VWC2L: variants seen among roughly 807,000 people sequenced by gnomAD.
The protein encoded by VWC2L is von Willebrand factor C domain-containing protein 2-like.
In VWC2L, 10 loss-of-function variants were observed where a neutral mutation model predicts 21.6. The observed-to-expected ratio is 0.46, with a 90% CI of 0.29 to 0.78. The LOEUF (loss-of-function observed/expected upper bound fraction) is 0.78, where lower values mean the gene tolerates loss of function less well. VWC2L is among the 30% of genes least tolerant of loss of function. The pLI is 0.10. For synonymous variants in VWC2L, 96 were observed against 94.3 expected, an observed-to-expected ratio of 1.02 and a Z score of -0.10; for missense variants, 209 against 277.1, an observed-to-expected ratio of 0.75 and a Z score of 1.74.
intron 3 of VWC2L, among the ~76,000 whole-genome samples, chr2:214,437,525 G>GA (rs1195954658): frequency 6.6e-6 from 1 of 151,988 alleles, no homozygotes; most frequent in Non-Finnish European, 1.5e-5. Context: ...TACCAAAAAG[G>GA]AAAAAATAAT....
intron 3 of VWC2L, among the ~76,000 whole-genome samples, chr2:214,460,908 G>T (rs1047554139): frequency 6.6e-6 from 1 of 152,062 alleles, no homozygotes; most frequent in South Asian, 2.1e-4. Flanking sequence ...ATTTGCTTTC[G>T]TAGAGGAAGC....
rs73072757 is a variant in VWC2L, at chr2:214,429,444, A to G, written c.391-7185A>G. On this transcript the variant is annotated intron_variant, in intron 2 of 3. Transcript: ENST00000312504. Reference sequence around the variant, plus strand: ...ATATTAAATCCTCAAGTTTTTGTCTATATGTCTGGGCCCTCCTTTGATTAT... The same window carrying G: ...ATATTAAATCCTCAAGTTTTTGTCTGTATGTCTGGGCCCTCCTTTGATTAT... 8.8e-3 allele frequency among the ~76,000 whole-genome samples: 1,333 copies of G among 152,108 alleles called. 23 individuals carry two copies. The highest frequency in any genetic ancestry group is 0.031 in the African/African-American group (1,270 of 41,490).
rs1553602423 is a variant in VWC2L, at chr2:214,567,595, C to CACAG, written c.521-8076_521-8075insCAGA. Among the ~76,000 whole-genome samples the CACAG allele has an allele frequency of 3.8e-4, 52 of 135,378 alleles. 1 individual carries two copies. Among genetic ancestry groups the CACAG allele is most frequent in the Middle Eastern group, 3.8e-3 (1 of 266 alleles). 88.8% of individuals were successfully genotyped at this position (135,378 alleles called of 152,430 possible). ...ACACACACACACACACACACACACACAGAGAGAGAGAGAGAGAGAGATAAT... is the reference window on the plus strand; with the variant it reads ...ACACACACACACACACACACACACACACAGAGAGAGAGAGAGAGAGAGAGATAAT... On this transcript the variant is annotated intron_variant, in intron 3 of 3. Coordinates refer to ENST00000312504, the MANE Select transcript of VWC2L (RefSeq NM_001080500.4).
At chr2:214,445,512 A>G (rs1479031080) in intron 3 of VWC2L, among the ~76,000 whole-genome samples, 2 of 151,882 alleles carry the variant, frequency 1.3e-5, no homozygotes, top group Admixed American at 6.6e-5. Flanking sequence ...ATATGTGTGT[A>G]TGTATGTATG....
intron 2 of VWC2L, among the ~76,000 whole-genome samples, chr2:214,419,651 C>T (rs1289943565): frequency 2.0e-5 from 3 of 152,158 alleles, no homozygotes; most frequent in Non-Finnish European, 4.4e-5. Context: ...CCTGCTGACA[C>T]TGACCTTTGT....
chr2:214,510,499 G>C (rs1176065014), intron 3 of VWC2L, among the ~76,000 whole-genome samples: 1 of 152,102 alleles, frequency 6.6e-6, no homozygotes, highest in Non-Finnish European at 1.5e-5. Context: ...GTACTTTGTG[G>C]TTCTGAGATT....
chr2:214,569,556 C>T (rs1441470033), intron 3 of VWC2L, among the ~76,000 whole-genome samples: 1 of 152,176 alleles, frequency 6.6e-6, no homozygotes, highest in African/African-American at 2.4e-5. Flanking sequence ...TTATAAGATT[C>T]CTGAAGAGTT....
chr2:214,512,648 T>A (rs1030654726), intron 3 of VWC2L, among the ~76,000 whole-genome samples: 1 of 152,210 alleles, frequency 6.6e-6, no homozygotes, highest in Non-Finnish European at 1.5e-5. Context: ...AGGATTTATG[T>A]TACAAACCAA....
Position 214,577,054 on chromosome 2 carries a change from A to C in VWC2L, c.*1234A>C, listed in dbSNP as rs955251637. Reference sequence around the variant, plus strand: ...GGTAATGCTGCTAGTATAGTAACAGAAAAAACAAAACACACAGGGTATCTG... The same window carrying C: ...GGTAATGCTGCTAGTATAGTAACAGCAAAAACAAAACACACAGGGTATCTG... On this transcript the variant is annotated 3_prime_UTR_variant, in exon 4 of 4. Coordinates refer to ENST00000312504, the MANE Select transcript of VWC2L (RefSeq NM_001080500.4). 12 of 152,200 alleles carry C rather than the reference A, an allele frequency of 7.9e-5. No homozygotes were observed. Among genetic ancestry groups the C allele is most frequent in the Non-Finnish European group, 8.8e-5 (6 of 68,036 alleles). The allele number at this position is 152,200 out of a possible 1,614,324, so 9.4% of individuals were successfully genotyped here. A position where few individuals can be genotyped will look rare whatever the true frequency, so the allele number is the denominator to read the frequency against.
chr2:214,567,465 A>G (rs899516107), intron 3 of VWC2L, among the ~76,000 whole-genome samples: 5 of 151,692 alleles, frequency 3.3e-5, no homozygotes, highest in Non-Finnish European at 7.4e-5. Flanking sequence ...GAATAGAGCT[A>G]CTCGAGAGGC....
At chr2:214,473,805 CAT>C (rs1332102389) in intron 3 of VWC2L, 1 of 150,134 alleles carries the variant, frequency 6.7e-6, no homozygotes, top group Non-Finnish European at 1.5e-5. Context: ...CTCTAACCAA[CAT>C]GTGTAATAAA....
At position 214,575,682 on chromosome 2, in the gene VWC2L, C is replaced by T. The variant is rs1185028096; in HGVS notation, c.531C>T (p.Cys177=). 6.2e-7 allele frequency: 1 copy of T among 1,613,294 alleles called. No individual in the cohort carries two copies. The highest frequency in any genetic ancestry group is 8.5e-7 in the Non-Finnish European group (1 of 1,179,390). Residue 177 remains cysteine, a synonymous_variant, in exon 4 of 4, where the codon TGC becomes TGT. Transcript: ENST00000312504. The part of the protein sequence containing the change: ...CCPVCKNGPN[C]FAGTTIIPAG... ...ATCTGTGTGTTTCAGGTCCAAACTG[C>T]TTTGCAGGAACGACGATAATTCCAG... is the stretch of plus-strand genomic sequence containing the variant.
intron 3 of VWC2L, among the ~76,000 whole-genome samples, chr2:214,517,260 G>A (rs1308035539): frequency 6.6e-6 from 1 of 152,166 alleles, no homozygotes. Context: ...TCCTATGTAT[G>A]GGCATTACCA....
intron 3 of VWC2L, chr2:214,536,952 C>T (rs905531560): frequency 2.0e-5 from 3 of 147,536 alleles, no homozygotes; most frequent in African/African-American, 7.5e-5. Flanking sequence ...ATGCCTCTCA[C>T]CACCCACCCC....
At chr2:214,435,881 G>A (rs74596744) in intron 2 of VWC2L, among the ~76,000 whole-genome samples, 6,642 of 152,082 alleles carry the variant, frequency 0.044, 512 homozygotes, top group African/African-American at 0.15. Context: ...AAACACTCTC[G>A]GCCGGTAAGT....
intron 3 of VWC2L, among the ~76,000 whole-genome samples, chr2:214,507,087 T>A (rs1688978058): frequency 6.6e-6 from 1 of 152,040 alleles, no homozygotes; most frequent in East Asian, 1.9e-4. Flanking sequence ...AATACTAGAG[T>A]ATAAGCATAT....
intron 3 of VWC2L, among the ~76,000 whole-genome samples, chr2:214,539,000 C>T (rs1689585363): frequency 6.6e-6 from 1 of 152,114 alleles, no homozygotes; most frequent in African/African-American, 2.4e-5. Flanking sequence ...ATCTATAGAT[C>T]TTCCTTGCAT....
intron 1 of VWC2L, among the ~76,000 whole-genome samples, chr2:214,412,197 T>A (rs1363754988): frequency 6.6e-6 from 1 of 152,136 alleles, no homozygotes; most frequent in East Asian, 1.9e-4. Flanking sequence ...TACCATAACC[T>A]AACACATTAA....
rs77688906 is a variant in VWC2L, at chr2:214,469,453, C to T, written c.520+32695C>T. ...TCTCTACCAAAAATACAAAAAGCCG[C>T]GTGTGGTGGCGGGCGCCTGTAGTCC... On this transcript the variant is annotated intron_variant, in intron 3 of 3. Coordinates refer to ENST00000312504, the MANE Select transcript of VWC2L (RefSeq NM_001080500.4). Among the ~76,000 whole-genome samples the T allele has an allele frequency of 7.5e-3, 1,142 of 152,160 alleles. 9 individuals are homozygous for T. The highest frequency in any genetic ancestry group is 0.031 in the East Asian group (161 of 5,162).
Sources: gnomAD v4.1 joint callset for allele counts (sites outside exome capture counted in the v4.1 genomes callset) on GRCh38, gnomAD v4.1.1 for gene constraint, MANE v1.5 for transcripts, NCBI Gene and HGNC (gene_info 2026-07-23, HGNC 2026-07-21) for gene names.